The following TRAK2 variants were observed in gnomAD, a reference collection of about 807,000 sequenced individuals.
TRAK2 encodes trafficking kinesin-binding protein 2.
Under a neutral mutation model 104.6 loss-of-function variants are expected in TRAK2, and 81 were observed. The observed-to-expected ratio is 0.77, with a 90% CI of 0.65 to 0.93. TRAK2 has a LOEUF of 0.93. Ranked by LOEUF, TRAK2 falls within the 40% of genes least tolerant of loss-of-function variation. The pLI is 0.00. For synonymous variants in TRAK2, 406 were observed against 394.4 expected (o/e 1.03, Z -0.35); for missense variants, 1,002 against 1,089.0 (o/e 0.92, Z 1.12).
At chr2:201,417,310 AG>A (rs1470384643) in intron 2 of TRAK2, among the ~76,000 whole-genome samples, 1 of 151,338 alleles carries the variant, frequency 6.6e-6, no homozygotes, top group Non-Finnish European at 1.5e-5. Flanking sequence ...TAATGGGACT[AG>A]GAAGGACACA....
chr2:201,396,323 G>A (rs559782655), intron 7 of TRAK2, among the ~76,000 whole-genome samples: 17 of 152,204 alleles, frequency 1.1e-4, no homozygotes, highest in Admixed American at 1.1e-3. Context: ...CATTCCTTCC[G>A]GTTCTCTAGT....
rs548479491 is a variant in TRAK2, at chr2:201,435,084, T to A, written c.-199-14378A>T. ...TTCTTTTTTTTAATTTGAGACAGGG[T>A]CTTACTCTGTTGCCCAGGTTGGAGT... On this transcript the variant is annotated intron_variant, in intron 1 of 15. Coordinates refer to ENST00000332624, the MANE Select transcript of TRAK2 (RefSeq NM_015049.3). Among the ~76,000 whole-genome samples the A allele has an allele frequency of 1.5e-4, 23 of 152,220 alleles. No homozygotes were observed. The East Asian group carries it at 4.4e-3, about 29-fold the overall frequency.
At position 201,387,907 on chromosome 2, in the gene TRAK2, T is replaced by A; in HGVS notation, c.1492A>T (p.Ser498Cys). Residue 498 changes from serine to cysteine, a missense_variant, in exon 13 of 16, where the codon AGT becomes TGT. Physicochemically the swap from Ser to Cys is moderately radical, Grantham distance 112. Coordinates refer to ENST00000332624, the MANE Select transcript of TRAK2 (RefSeq NM_015049.3). The stretch of plus-strand genomic sequence containing the variant: ...TCTTCAGCAAAGAACTGCTTCTCAC[T>A]TAAATAGTTTTGTCGACGCAAGCTA... ...RLSLRRQNYL[S>C]EKQFFAEEWQ... The A allele has an allele frequency of 6.2e-7, 1 of 1,614,166 alleles. No homozygotes were observed. Among genetic ancestry groups the A allele is most frequent in the Non-Finnish European group, 8.5e-7 (1 of 1,180,020 alleles).
At chr2:201,440,072 C>T (rs1282246034) in intron 1 of TRAK2, among the ~76,000 whole-genome samples, 1 of 148,684 alleles carries the variant, frequency 6.7e-6, no homozygotes, top group Non-Finnish European at 1.5e-5. Context: ...TACCCTAAAA[C>T]TTAAAGTATT....
chr2:201,383,779 A>C (rs150432594), intron 15 of TRAK2, among the ~76,000 whole-genome samples: 13 of 152,280 alleles, frequency 8.5e-5, no homozygotes, highest in Middle Eastern at 3.4e-3. Context: ...AGTGAAGGTG[A>C]GCTTGTGCAG....
chr2:201,413,585 G>A (rs2125651970), intron 2 of TRAK2, among the ~76,000 whole-genome samples: 1 of 152,154 alleles, frequency 6.6e-6, no homozygotes, highest in South Asian at 2.1e-4. Flanking sequence ...CTAAAATAAG[G>A]TTGCTATAGT....
At chr2:201,382,182 G>A (rs1478873067) in intron 15 of TRAK2, among the ~76,000 whole-genome samples, 1 of 152,068 alleles carries the variant, frequency 6.6e-6, no homozygotes, top group Non-Finnish European at 1.5e-5. Context: ...CTTATTCTAT[G>A]CTTAGTCGAA....
rs775711456 is a variant in TRAK2, at chr2:201,395,457, A to C, written c.770-13T>G. The C allele has an allele frequency of 7.1e-5, 107 of 1,503,462 alleles. No individual in the cohort carries two copies. Among genetic ancestry groups the C allele is most frequent in the Non-Finnish European group, 9.0e-5 (100 of 1,115,074 alleles). 93.1% of individuals were successfully genotyped at this position (1,503,462 alleles called of 1,614,324 possible). A position where few individuals can be genotyped will look rare whatever the true frequency, so the allele number is the denominator to read the frequency against. On this transcript the variant is annotated splice_polypyrimidine_tract_variant and intron_variant, in intron 7 of 15. Coordinates refer to ENST00000332624, the MANE Select transcript of TRAK2 (RefSeq NM_015049.3). ...GCATTTGTTTCACCTTGGAAGCAAA[A>C]AAAATTTTTTTAAATTAATACAAAT... is the stretch of plus-strand genomic sequence containing the variant.
chr2:201,444,547 T>A (rs1951950476), intron 1 of TRAK2, among the ~76,000 whole-genome samples: 2 of 151,920 alleles, frequency 1.3e-5, no homozygotes, highest in South Asian at 4.2e-4. Context: ...CTTACCAGTC[T>A]ACTTGATCTA....
intron 1 of TRAK2, among the ~76,000 whole-genome samples, chr2:201,424,072 C>G (rs1559450578): frequency 6.6e-6 from 1 of 152,064 alleles, no homozygotes; most frequent in Non-Finnish European, 1.5e-5. Flanking sequence ...ATCGTATTGT[C>G]CAGAATTGTC....
At chr2:201,400,353 GCTT>G (rs1244909781) in intron 4 of TRAK2, among the ~76,000 whole-genome samples, 1 of 152,004 alleles carries the variant, frequency 6.6e-6, no homozygotes, top group Non-Finnish European at 1.5e-5. Context: ...ATAAAATTAA[GCTT>G]CTATCCTTTC....
chr2:201,436,657 C>CT (rs1347789463), intron 1 of TRAK2, among the ~76,000 whole-genome samples: 1 of 152,164 alleles, frequency 6.6e-6, no homozygotes, highest in Non-Finnish European at 1.5e-5. Flanking sequence ...TTTGTCCTCT[C>CT]TAACAATAAA....
chr2:201,389,800 CT>C lies in TRAK2; in HGVS notation c.1193del (p.Ala399ProfsTer39), dbSNP rs1295099071. 1.9e-6 allele frequency: 3 copies of C among 1,610,180 alleles called. No individual in the cohort carries two copies. In the East Asian group the frequency reaches 6.7e-5, roughly 36 times the overall value. ...TAACAACACATGTGACCTGTACTTA[CT>C]TTTGTTTAAAGAGAGAAGATTCCTC... The part of the protein sequence containing the change: ...LDEESSLFKQ[K>X]AQQKRVFDTV... On this transcript the variant is annotated frameshift_variant and splice_region_variant, in exon 11 of 16. Coordinates refer to ENST00000332624, the MANE Select transcript of TRAK2 (RefSeq NM_015049.3). LOFTEE classifies it high-confidence loss of function.
At chr2:201,405,431 T>C (rs1951585375) in intron 3 of TRAK2, among the ~76,000 whole-genome samples, 1 of 152,232 alleles carries the variant, frequency 6.6e-6, no homozygotes, top group African/African-American at 2.4e-5. Context: ...TTTGTATCAG[T>C]GGTTCTCAAA....
In TRAK2 at chr2:201,389,876, G is replaced by C. The variant is rs1226578390; in HGVS notation, c.1118C>G (p.Ser373Cys). ...AGTCCCCTCAATCTCAGCTGCCAAA[G>C]ATTCCTAAGAAAAAGAGTTTGAGAT... ...SQSYGAFTGESLAAEIEGTMR... is the reference protein window; with the variant it reads ...SQSYGAFTGECLAAEIEGTMR... The change falls in exon 11 of 16, where the codon TCT (serine) becomes TGT (cysteine). Residue 373 changes from serine to cysteine, a missense_variant. Transcript: ENST00000332624. 1 of 1,612,162 alleles carries C rather than the reference G, an allele frequency of 6.2e-7. No individual in the cohort carries two copies.
intron 12 of TRAK2, 107 bp from the exon 13 acceptor site, chr2:201,388,108 G>T (rs1430322210): frequency 3.3e-6 from 4 of 1,198,424 alleles, no homozygotes; most frequent in Admixed American, 1.8e-5. Flanking sequence ...TTAAAAACAT[G>T]ATATTTTCCT....
In TRAK2 at chr2:201,426,919, C is replaced by CA. The variant is rs1951793656; in HGVS notation, c.-199-6214dup. On this transcript the variant is annotated intron_variant, in intron 1 of 15. Transcript: ENST00000332624. ...ACATAGTTCCATGGATGTGGCCTGACATTAGACAAGTCTGAATTTTAACCT... is the reference window on the plus strand; with the variant it reads ...ACATAGTTCCATGGATGTGGCCTGACAATTAGACAAGTCTGAATTTTAACCT... Among the ~76,000 whole-genome samples the CA allele has an allele frequency of 2.0e-5, 3 of 152,188 alleles. No homozygotes were observed. In the South Asian group the frequency reaches 6.2e-4, roughly 31 times the overall value.
intron 1 of TRAK2, among the ~76,000 whole-genome samples, chr2:201,430,608 G>C (rs371056601): frequency 5.3e-5 from 8 of 152,332 alleles, no homozygotes; most frequent in African/African-American, 1.9e-4. Flanking sequence ...AAGGCTCCGT[G>C]GGCATGGGAC....
Position 201,384,141 on chromosome 2 carries a change from T to C in TRAK2, c.2039A>G (p.His680Arg), listed in dbSNP as rs1326583536. ...GGTAACCTGAGTGATGTCAGAGGGA[T>C]GTAATATTCTACAGGTGGTGAAAGT... ...TFTFTTCRIL[H>R]PSDITQVTPS... Residue 680 changes from histidine (H) to arginine (R), a missense_variant, in exon 15 of 16, where the codon CAT becomes CGT. Physicochemically the swap from His to Arg is conservative, Grantham distance 29. Coordinates refer to ENST00000332624, the MANE Select transcript of TRAK2 (RefSeq NM_015049.3). 6.2e-7 allele frequency: 1 copy of C among 1,613,374 alleles called. No individual in the cohort carries two copies. Among genetic ancestry groups the C allele is most frequent in the African/African-American group, 1.3e-5 (1 of 74,968 alleles).
Sources: gnomAD v4.1 joint callset for allele counts (sites outside exome capture counted in the v4.1 genomes callset) on GRCh38, gnomAD v4.1.1 for gene constraint, MANE v1.5 for transcripts, NCBI Gene and HGNC (gene_info 2026-07-23, HGNC 2026-07-21) for gene names.